HMGN1: variants seen among roughly 807,000 people sequenced by gnomAD.
HMGN1 encodes high mobility group nucleosome binding domain 1.
A neutral mutation model predicts 18.4 loss-of-function variants in HMGN1; 9 were observed. The ratio of observed to expected loss-of-function variants is 0.49; its 90% confidence interval spans 0.29 to 0.85. HMGN1 has a LOEUF of 0.85. Among genes scored for constraint, HMGN1 ranks in the 40% least tolerant of loss-of-function variants. HMGN1 has a pLI of 0.07. For synonymous variants in HMGN1, 59 were observed against 45.0 expected (o/e 1.31, Z -1.24); for missense variants, 151 against 119.2 (o/e 1.27, Z -1.24).
At chr21:39,345,526 C>A in intron 4 of HMGN1, 1 of 533,204 alleles carries the variant, frequency 1.9e-6, no homozygotes, top group Non-Finnish European at 3.4e-6. Flanking sequence ...GTTGATACAC[C>A]TATTACATGA....
chr21:39,347,993 G>A (rs1601559384), intron 4 of HMGN1: 3 of 1,275,730 alleles, frequency 2.4e-6, no homozygotes, highest in South Asian at 1.9e-5. Context: ...CGAATTAAAA[G>A]CCAAGCACCA....
rs1024195635 is a variant in HMGN1, at chr21:39,348,822, A to C, written c.15+81T>G. ...CGGGCCCGTCGCCACCGTGGGTGCA[A>C]CGGGGCCTGGGCCTCGCGGGGCCCG... On this transcript the variant is annotated intron_variant, in intron 1 of 5. Coordinates refer to ENST00000380749, the MANE Select transcript of HMGN1 (RefSeq NM_004965.7). 1.7e-3 allele frequency: 1,757 copies of C among 1,047,770 alleles called. 5 individuals are homozygous for C. The highest frequency in any genetic ancestry group is 2.0e-3 in the Non-Finnish European group (1,646 of 840,614). 64.9% of individuals were successfully genotyped at this position (1,047,770 alleles called of 1,614,324 possible). A position where few individuals can be genotyped will look rare whatever the true frequency, so the allele number is the denominator to read the frequency against.
intron 4 of HMGN1, chr21:39,348,069 G>A: frequency 1.1e-6 from 1 of 949,400 alleles, no homozygotes; most frequent in Non-Finnish European, 1.5e-6. Flanking sequence ...ATTTTTTGTC[G>A]TCCTAAGTCT....
At chr21:39,347,941 G>A (rs988196284) in intron 4 of HMGN1, 29 of 1,133,410 alleles carry the variant, frequency 2.6e-5, no homozygotes, top group Non-Finnish European at 3.0e-5. Context: ...TGGCCTCGGT[G>A]CTATCTTGAC....
intron 4 of HMGN1, chr21:39,346,796 G>A (rs1351515570): frequency 6.6e-6 from 1 of 152,140 alleles, no homozygotes; most frequent in Non-Finnish European, 1.5e-5. Context: ...ATGTAAAAAT[G>A]AACAAATCCC....
intron 5 of HMGN1, among the ~76,000 whole-genome samples, 189 bp from the exon 6 acceptor site, chr21:39,343,348 T>C (rs933058331): frequency 3.3e-5 from 5 of 152,200 alleles, no homozygotes; most frequent in African/African-American, 1.2e-4. Flanking sequence ...TCCATGGTCA[T>C]GTGCATGCAT....
intron 4 of HMGN1, chr21:39,347,886 G>T: frequency 6.6e-6 from 3 of 457,704 alleles, no homozygotes; most frequent in Non-Finnish European, 5.6e-6. Context: ...TCCCGAAGTT[G>T]GCTTGGAAAC....
intron 5 of HMGN1, 73 bp from the exon 6 acceptor site, chr21:39,343,232 C>T: frequency 1.5e-5 from 21 of 1,421,914 alleles, no homozygotes; most frequent in Non-Finnish European, 1.9e-5. Flanking sequence ...ACTATCAGGT[C>T]TTTAAAAAAG....
In HMGN1 at chr21:39,347,228, A is replaced by G. The variant is rs563592609; in HGVS notation, c.126+1064T>C. ...TCTGGTAATGAGAAATTTAAAGTTG[A>G]AAAATACTATTCTCATACCTTCCGT... On this transcript the variant is annotated intron_variant, in intron 4 of 5. Coordinates refer to ENST00000380749, the MANE Select transcript of HMGN1 (RefSeq NM_004965.7). The G allele has an allele frequency of 1.8e-5, 10 of 546,050 alleles. No individual in the cohort carries two copies. The East Asian group carries it at 9.8e-4, about 53-fold the overall frequency. 33.8% of individuals were successfully genotyped at this position (546,050 alleles called of 1,614,324 possible). A position where few individuals can be genotyped will look rare whatever the true frequency, so the allele number is the denominator to read the frequency against.
intron 4 of HMGN1, chr21:39,347,963 CA>C: frequency 6.0e-6 from 7 of 1,172,384 alleles, no homozygotes; most frequent in East Asian, 5.0e-5. Flanking sequence ...CTTTTATTGT[CA>C]AAAAAGGAAG....
intron 5 of HMGN1, among the ~76,000 whole-genome samples, chr21:39,344,821 G>A (rs779601455): frequency 2.6e-5 from 4 of 151,870 alleles, no homozygotes; most frequent in South Asian, 2.1e-4. Flanking sequence ...AAAAATGCCA[G>A]GAAAAATGCA....
At position 39,348,746 on chromosome 21, in the gene HMGN1, C is replaced by G. The variant is rs890101247; in HGVS notation, c.15+157G>C. The G allele has an allele frequency of 2.1e-5, 23 of 1,086,922 alleles. No individual in the cohort carries two copies. In the African/African-American group the frequency reaches 3.0e-4, roughly 14 times the overall value. 67.3% of individuals were successfully genotyped at this position (1,086,922 alleles called of 1,614,324 possible). A position where few individuals can be genotyped will look rare whatever the true frequency, so the allele number is the denominator to read the frequency against. ...GCCAAACGTTCCAGAACGCCCGCCC[C>G]CGCGGCCGCCGAGCGCTCGCCTGCC... On this transcript the variant is annotated intron_variant, in intron 1 of 5. Coordinates refer to ENST00000380749, the MANE Select transcript of HMGN1 (RefSeq NM_004965.7).
At position 39,348,077 on chromosome 21, in the gene HMGN1, TCTC is replaced by T. The variant is rs535393079; in HGVS notation, c.126+212_126+214del. 3.6e-4 allele frequency: 321 copies of T among 891,980 alleles called. 1 individual carries two copies. In the African/African-American group the frequency reaches 4.6e-3, roughly 13 times the overall value. 55.3% of individuals were successfully genotyped at this position (891,980 alleles called of 1,614,324 possible). A position where few individuals can be genotyped will look rare whatever the true frequency, so the allele number is the denominator to read the frequency against. On this transcript the variant is annotated intron_variant, in intron 4 of 5. Coordinates refer to ENST00000380749, the MANE Select transcript of HMGN1 (RefSeq NM_004965.7). Reference sequence around the variant, plus strand: ...ATTTAATATTTTTTGTCGTCCTAAGTCTCCTAACATCTGCAGCAGCATTAGTGT... The same window carrying T: ...ATTTAATATTTTTTGTCGTCCTAAGTCTAACATCTGCAGCAGCATTAGTGT...
At chr21:39,345,327 T>A (rs1254366038) in intron 4 of HMGN1, 53 bp from the exon 5 acceptor site, 1 of 1,554,790 alleles carries the variant, frequency 6.4e-7, no homozygotes, top group African/African-American at 1.4e-5. Flanking sequence ...CTTATTTACA[T>A]TTTGTTTTAC....
chr21:39,345,104 A>G lies in HMGN1; in HGVS notation c.255+42T>C, dbSNP rs751834592. 8 of 645,310 alleles carry G rather than the reference A, an allele frequency of 1.2e-5. No individual in the cohort carries two copies. The Admixed American group carries it at 1.8e-4, about 15-fold the overall frequency. 40.0% of individuals were successfully genotyped at this position (645,310 alleles called of 1,614,324 possible). A position where few individuals can be genotyped will look rare whatever the true frequency, so the allele number is the denominator to read the frequency against. On this transcript the variant is annotated intron_variant, in intron 5 of 5. Transcript: ENST00000380749. ...TTTAGTATCTACTGTTCAGAGTCAA[A>G]GCAATCACACACACACACACACACA... is the stretch of plus-strand genomic sequence containing the variant.
At chr21:39,345,043 T>C (rs2036993627) in intron 5 of HMGN1, 103 bp downstream of exon 5, 4 of 1,336,338 alleles carry the variant, frequency 3.0e-6, no homozygotes, top group Non-Finnish European at 4.0e-6. Context: ...TTCAATATTA[T>C]AATGAATACT....
chr21:39,344,360 T>G (rs1020966307), intron 5 of HMGN1, among the ~76,000 whole-genome samples: 3 of 152,044 alleles, frequency 2.0e-5, no homozygotes, highest in African/African-American at 7.2e-5. Flanking sequence ...AGTTTATAAC[T>G]TAAGAATTTG....
intron 4 of HMGN1, chr21:39,345,586 A>T: frequency 2.4e-6 from 1 of 417,186 alleles, no homozygotes; most frequent in Non-Finnish European, 4.5e-6. Context: ...TATGCTAAGG[A>T]GATTTTAATA....
rs530484655 is a variant in HMGN1 at position 39,348,727 on chromosome 21, C to T, written c.16-150G>A. On this transcript the variant is annotated intron_variant, in intron 1 of 5. Coordinates refer to ENST00000380749, the MANE Select transcript of HMGN1 (RefSeq NM_004965.7). ...CCCCTCAGCTCCCCCGGCCGCCAAA[C>T]GTTCCAGAACGCCCGCCCCCGCGGC... 7.2e-6 allele frequency: 8 copies of T among 1,117,898 alleles called. No individual in the cohort carries two copies. The Admixed American group carries it at 1.2e-4, about 16-fold the overall frequency. The allele number at this position is 1,117,898 out of a possible 1,614,324, so 69.2% of individuals were successfully genotyped here.
Sources: gnomAD v4.1 joint callset for allele counts (sites outside exome capture counted in the v4.1 genomes callset) on GRCh38, gnomAD v4.1.1 for gene constraint, MANE v1.5 for transcripts, NCBI Gene and HGNC (gene_info 2026-07-23, HGNC 2026-07-21) for gene names.